The following PRKN variants were observed in gnomAD, a reference collection of about 807,000 sequenced individuals.
PRKN encodes the protein E3 ubiquitin-protein ligase parkin.
A neutral mutation model predicts 59.5 loss-of-function variants in PRKN; 56 were observed. The ratio of observed to expected loss-of-function variants is 0.94; its 90% CI spans 0.76 to 1.18. PRKN has a LOEUF of 1.18. PRKN is among the 50% of genes most tolerant of loss of function. The pLI, the probability that PRKN is intolerant of heterozygous loss-of-function variation, is 0.00. For missense variants in PRKN, 657 were observed against 596.4 expected (o/e 1.10, Z -1.06); for synonymous variants, 250 against 222.1 (o/e 1.13, Z -1.12).
chr6:161,514,739 G>T (rs1167130376), intron 9 of PRKN, among the ~76,000 whole-genome samples: 1 of 152,108 alleles, frequency 6.6e-6, no homozygotes, highest in East Asian at 1.9e-4. Context: ...GGGGCTGAAA[G>T]AAAACTTTGT....
In PRKN at chr6:161,379,840, C is replaced by T. The variant is rs762143806; in HGVS notation, c.1167+6954G>A. 5.9e-5 allele frequency among the ~76,000 whole-genome samples: 9 copies of T among 152,184 alleles called. No individual in the cohort carries two copies. Among genetic ancestry groups the T allele is most frequent in the Admixed American group, 5.2e-4 (8 of 15,280 alleles). ...CATCCTCCAGTACACAGTCTGCACT[C>T]GAATCTCAAGCAGCTCAGGGTTTTC... On this transcript the variant is annotated intron_variant, in intron 10 of 11. Transcript: ENST00000366898. This position sits in a 1 kb window ranked among gnomAD's most constrained non-coding sequence, Gnocchi z 4.9.
intron 7 of PRKN, among the ~76,000 whole-genome samples, chr6:161,631,164 A>G (rs909280663): frequency 2.0e-5 from 3 of 152,188 alleles, no homozygotes; most frequent in African/African-American, 7.2e-5. Flanking sequence ...AGCAGACAGG[A>G]GTGCCCACCA....
intron 7 of PRKN, among the ~76,000 whole-genome samples, chr6:161,643,296 C>T (rs1172692421): frequency 6.6e-6 from 1 of 152,078 alleles, no homozygotes; most frequent in African/African-American, 2.4e-5. Flanking sequence ...TGTTAAAACA[C>T]ACAATTAAAC....
intron 9 of PRKN, among the ~76,000 whole-genome samples, chr6:161,464,773 A>G (rs1790375161): frequency 1.3e-5 from 2 of 152,238 alleles, no homozygotes; most frequent in South Asian, 4.1e-4. Flanking sequence ...ATTCTGACAT[A>G]CAGGCCCCTA....
rs117528201 is a variant in PRKN, at chr6:161,419,730, T to A, written c.1084-32853A>T. 6.2e-3 allele frequency among the ~76,000 whole-genome samples: 937 copies of A among 152,096 alleles called. 4 individuals are homozygous for A. The highest frequency in any genetic ancestry group is 0.022 in the East Asian group (111 of 5,136). ...GGGAAATAATTAGATTCTGCTTGTG[T>A]TGAATAATTCTAGCCAGGCCGGAGT... On this transcript the variant is annotated intron_variant, in intron 9 of 11. Coordinates refer to ENST00000366898, the MANE Select transcript of PRKN (RefSeq NM_004562.3). The surrounding 1 kb of genome is among the most constrained non-coding windows in gnomAD (Gnocchi z 4.1).
chr6:161,950,565 T>C (rs1469692512), intron 6 of PRKN, among the ~76,000 whole-genome samples: 2 of 152,016 alleles, frequency 1.3e-5, no homozygotes, highest in Non-Finnish European at 2.9e-5. Context: ...GTTCTCTCTT[T>C]GCAATAGCAA....
chr6:161,416,058 G>A (rs1156897558), intron 9 of PRKN, among the ~76,000 whole-genome samples: 1 of 152,080 alleles, frequency 6.6e-6, no homozygotes, highest in Non-Finnish European at 1.5e-5. Flanking sequence ...CACCCCAGGC[G>A]CAGCAGATCC....
intron 9 of PRKN, among the ~76,000 whole-genome samples, chr6:161,426,391 A>G (rs1185313210): frequency 1.3e-5 from 2 of 152,268 alleles, no homozygotes; most frequent in East Asian, 1.9e-4. Flanking sequence ...CCTTAATCTG[A>G]GTGGACACCA....
chr6:162,354,489 C>T (rs1784760343), intron 2 of PRKN, among the ~76,000 whole-genome samples: 1 of 151,910 alleles, frequency 6.6e-6, no homozygotes, highest in African/African-American at 2.4e-5. Context: ...GCCAGAATCA[C>T]AAAATGTACT....
intron 3 of PRKN, among the ~76,000 whole-genome samples, chr6:162,217,376 T>C (rs774955219): frequency 6.6e-6 from 1 of 152,114 alleles, no homozygotes; most frequent in Non-Finnish European, 1.5e-5. Flanking sequence ...CATTTTTTTG[T>C]TTGTTTATTT....
intron 6 of PRKN, among the ~76,000 whole-genome samples, chr6:161,968,504 GGATTCTGTTCAGTCAGTTGGAGGCTT>G (rs1780673052): frequency 1.3e-5 from 2 of 152,030 alleles, no homozygotes; most frequent in Non-Finnish European, 2.9e-5. Flanking sequence ...TGACAAGGAG[GGATTCTGTTCAGTCAGTTGGAGGCTT>G]ACAATTTTAT....
rs1015303558 is a variant in PRKN at position 162,008,907 on chromosome 6, G to T, written c.619-35490C>A. On this transcript the variant is annotated intron_variant, in intron 5 of 11. Transcript: ENST00000366898. ...CAAAGGAATCTGGCTGGATACCCTT[G>T]TAAGAGTTATGTGGGTTCAGGAGCA... 2.7e-5 allele frequency among the ~76,000 whole-genome samples: 4 copies of T among 150,656 alleles called. No individual in the cohort carries two copies. The East Asian group carries it at 7.7e-4, about 29-fold the overall frequency.
chr6:161,530,760 C>T lies in PRKN; in HGVS notation c.1083+18094G>A, dbSNP rs185772664. On this transcript the variant is annotated intron_variant, in intron 9 of 11. Coordinates refer to ENST00000366898, the MANE Select transcript of PRKN (RefSeq NM_004562.3). This position sits in a 1 kb window ranked among gnomAD's most constrained non-coding sequence, Gnocchi z 5.0. ...CTCGAACTCCTGACCTCAGGTGATC[C>T]GCCCGTATTGGCCTCCCAAAGTGCT... Among the ~76,000 whole-genome samples, 1,146 of 151,812 alleles carry T rather than the reference C, an allele frequency of 7.5e-3. 8 individuals carry two copies. Among genetic ancestry groups the T allele is most frequent in the African/African-American group, 0.018 (750 of 41,444 alleles).
chr6:162,316,959 G>T (rs182965817), intron 2 of PRKN, among the ~76,000 whole-genome samples: 1 of 152,094 alleles, frequency 6.6e-6, no homozygotes, highest in African/African-American at 2.4e-5. Context: ...AAATTTCATT[G>T]CAGTAAAAAA....
chr6:162,450,298 C>T (rs1351645150), intron 1 of PRKN, among the ~76,000 whole-genome samples: 1 of 151,962 alleles, frequency 6.6e-6, no homozygotes. Flanking sequence ...GTGTAACACC[C>T]CTGTGAATAT....
intron 4 of PRKN, among the ~76,000 whole-genome samples, chr6:162,176,146 T>C (rs998965711): frequency 6.6e-6 from 1 of 152,108 alleles, no homozygotes; most frequent in Admixed American, 6.6e-5. Flanking sequence ...TAAAGTCCTA[T>C]AAAAGTATCA....
At chr6:161,365,419 T>C (rs1035225770) in intron 10 of PRKN, among the ~76,000 whole-genome samples, 2 of 152,144 alleles carry the variant, frequency 1.3e-5, no homozygotes, top group African/African-American at 2.4e-5. Context: ...TAAGAGCATT[T>C]TCAACTGGGC....
chr6:161,862,061 T>C (rs1583262807), intron 6 of PRKN, among the ~76,000 whole-genome samples: 1 of 152,218 alleles, frequency 6.6e-6, no homozygotes. Flanking sequence ...TCTGTCTTCA[T>C]ATCTTCTCTT....
chr6:161,874,072 ATT>A (rs1794480408), intron 6 of PRKN, among the ~76,000 whole-genome samples: 3 of 44,564 alleles, frequency 6.7e-5, no homozygotes, highest in East Asian at 4.3e-4. Context: ...TATAATATAT[ATT>A]ATATGTAAAA....
Sources: gnomAD v4.1 joint callset for allele counts (sites outside exome capture counted in the v4.1 genomes callset) on GRCh38, gnomAD v4.1.1 for gene constraint, Gnocchi (gnomAD v3.1) non-coding constraint, MANE v1.5 for transcripts, NCBI Gene and HGNC (gene_info 2026-07-23, HGNC 2026-07-21) for gene names.